The following LRP5 variants were observed in gnomAD, a reference collection of about 807,000 sequenced individuals.
LRP5 encodes low-density lipoprotein receptor-related protein 5.
In LRP5, 62 loss-of-function variants were observed where a neutral mutation model predicts 154.1. That is an observed-to-expected ratio of 0.40 (90% CI 0.33 to 0.50). LRP5 has a LOEUF of 0.50. Ranked by LOEUF, LRP5 falls within the 20% of genes least tolerant of loss-of-function variation. The pLI is 0.55. For synonymous variants in LRP5, 966 were observed against 1,011.5 expected (o/e 0.96, Z 0.85); for missense variants, 1,915 against 2,336.7 (o/e 0.82, Z 3.72).
chr11:68,364,791 G>C (rs910797745), intron 4 of LRP5, among the ~76,000 whole-genome samples: 3 of 152,144 alleles, frequency 2.0e-5, no homozygotes, highest in African/African-American at 7.2e-5. Flanking sequence ...AGGAGGGTGG[G>C]GCTCTCTGGA....
chr11:68,336,267 G>A (rs1565325638), intron 1 of LRP5, among the ~76,000 whole-genome samples: 1 of 152,204 alleles, frequency 6.6e-6, no homozygotes, highest in African/African-American at 2.4e-5. Context: ...TGGGACAGAA[G>A]AGCCAGCTTA....
chr11:68,378,413 C>G (rs1022654308), intron 5 of LRP5, among the ~76,000 whole-genome samples: 1 of 151,970 alleles, frequency 6.6e-6, no homozygotes, highest in Admixed American at 6.6e-5. Context: ...CCCTGGACAC[C>G]GAATGAGCCG....
intron 17 of LRP5, 55 bp downstream of exon 17, chr11:68,429,755 C>T (rs1268556936): frequency 1.2e-6 from 2 of 1,610,730 alleles, no homozygotes; most frequent in Admixed American, 3.3e-5. Flanking sequence ...TGATTCTCTG[C>T]CTGCTAGGCT....
At chr11:68,445,076 TA>T (rs1479879561) in intron 21 of LRP5, among the ~76,000 whole-genome samples, 1 of 152,062 alleles carries the variant, frequency 6.6e-6, no homozygotes. Context: ...CCCATTTTAT[TA>T]CTTTATTTTA....
At position 68,448,976 on chromosome 11, in the gene LRP5, C is replaced by T. The variant is rs377323023; in HGVS notation, c.4754C>T (p.Ser1585Leu). 3.5e-5 allele frequency: 56 copies of T among 1,611,022 alleles called. No homozygotes were observed. Among genetic ancestry groups the T allele is most frequent in the South Asian group, 8.8e-5 (8 of 91,042 alleles). The change falls in exon 23 of 23, where the codon TCG (serine) becomes TTG (leucine). Residue 1585 changes from serine (S) to leucine (L), a missense_variant. By Grantham distance (145) the Ser-to-Leu change is moderately radical. Coordinates refer to ENST00000294304, the MANE Select transcript of LRP5 (RefSeq NM_002335.4). Reference protein sequence around the residue: ...PPPTPHSQYLSAEDSCPPSPA... With the variant: ...PPPTPHSQYLLAEDSCPPSPA... ...CCCACGCCCCACAGCCAGTACCTGT[C>T]GGCGGAGGACAGCTGCCCGCCCTCG...
At chr11:68,377,365 C>T (rs1330318817) in intron 5 of LRP5, among the ~76,000 whole-genome samples, 1 of 152,222 alleles carries the variant, frequency 6.6e-6, no homozygotes, top group Non-Finnish European at 1.5e-5. Flanking sequence ...AAGGTGCCTG[C>T]CAGCTGCTCC....
At chr11:68,368,701 C>T (rs999677651) in intron 5 of LRP5, among the ~76,000 whole-genome samples, 3 of 152,070 alleles carry the variant, frequency 2.0e-5, no homozygotes, top group Admixed American at 6.5e-5. Context: ...GCCCTCCCTG[C>T]GTTTTTCCTG....
chr11:68,379,622 C>T (rs929913468), intron 5 of LRP5, among the ~76,000 whole-genome samples: 3 of 152,160 alleles, frequency 2.0e-5, no homozygotes, highest in East Asian at 1.9e-4. Flanking sequence ...TTATAGTCTT[C>T]GCTAATTTAT....
intron 3 of LRP5, among the ~76,000 whole-genome samples, chr11:68,358,144 C>A (rs1441810078): frequency 6.6e-6 from 1 of 151,760 alleles, no homozygotes; most frequent in East Asian, 1.9e-4. Context: ...GAGACAGAGT[C>A]TCACTCTTTC....
intron 9 of LRP5, among the ~76,000 whole-genome samples, chr11:68,408,402 A>G (rs892878101): frequency 2.6e-5 from 4 of 151,988 alleles, no homozygotes. Flanking sequence ...TTTGTATTAC[A>G]TAGCTTTAAA....
chr11:68,347,633 G>A (rs1374828066), intron 1 of LRP5, among the ~76,000 whole-genome samples: 1 of 152,224 alleles, frequency 6.6e-6, no homozygotes, highest in Non-Finnish European at 1.5e-5. Flanking sequence ...GTGGGAAGAA[G>A]GCTGTTTGCT....
chr11:68,423,598 A>G lies in LRP5; in HGVS notation c.3137A>G (p.Asn1046Ser). Residue 1046 changes from asparagine (N) to serine (S), a missense_variant, in exon 14 of 23, where the codon AAT becomes AGT. This residue lies in a region of LRP5 where 1,094 missense variants were observed against 1,210.1 expected (regional missense o/e 0.90). Transcript: ENST00000294304. The surrounding 1 kb of genome is among the most constrained non-coding windows in gnomAD (Gnocchi z 4.7). ...RTLFWTCEAT[N>S]TINVHRLSGE... is the part of the protein sequence containing the mutation. ...CTGTTCTGGACGTGCGAGGCCACCA[A>G]TACCATCAACGTCCACAGGCTGAGC... The G allele has an allele frequency of 1.2e-6, 2 of 1,614,216 alleles. No homozygotes were observed. The highest frequency in any genetic ancestry group is 1.7e-6 in the Non-Finnish European group (2 of 1,180,012).
intron 1 of LRP5, among the ~76,000 whole-genome samples, chr11:68,339,844 G>C (rs1314810155): frequency 6.6e-6 from 1 of 152,122 alleles, no homozygotes; most frequent in Admixed American, 6.5e-5. Flanking sequence ...CAGTTCTTTT[G>C]GGTATATATG....
intron 1 of LRP5, among the ~76,000 whole-genome samples, chr11:68,344,177 C>T (rs534143668): frequency 2.6e-5 from 4 of 152,260 alleles, no homozygotes; most frequent in South Asian, 2.1e-4. Context: ...GAGTTTTCTT[C>T]GTTATCTGTT....
At chr11:68,415,431 T>G (rs138444824) in intron 12 of LRP5, among the ~76,000 whole-genome samples, 1,526 of 152,350 alleles carry the variant, frequency 0.01, 22 homozygotes, top group African/African-American at 0.035. Context: ...GCCTTCCGTC[T>G]TAAGTGTTCA....
intron 1 of LRP5, among the ~76,000 whole-genome samples, chr11:68,316,963 T>C (rs2098593763): frequency 6.6e-6 from 1 of 152,250 alleles, no homozygotes; most frequent in Admixed American, 6.5e-5. Flanking sequence ...GGGGAGTCTG[T>C]TGGGGAGGCC....
intron 17 of LRP5, among the ~76,000 whole-genome samples, chr11:68,431,231 C>CTTTTTTTTT (rs34840282): frequency 2.2e-5 from 2 of 92,974 alleles, no homozygotes; most frequent in East Asian, 3.6e-4. Context: ...GCTGTGCACC[C>CTTTTTTTTT]TTTTTTTTTT....
intron 1 of LRP5, among the ~76,000 whole-genome samples, chr11:68,329,770 C>T (rs1048333113): frequency 2.0e-5 from 3 of 152,238 alleles, no homozygotes; most frequent in Non-Finnish European, 2.9e-5. Context: ...CAGCGCCCCA[C>T]TGACTGACAC....
chr11:68,403,251 TCAAACAAA>T (rs773083096), intron 7 of LRP5, among the ~76,000 whole-genome samples: 2 of 152,006 alleles, frequency 1.3e-5, no homozygotes, highest in African/African-American at 2.4e-5. Context: ...TCTCAAAATC[TCAAACAAA>T]CAAACAAACA....
Sources: gnomAD v4.1 joint callset for allele counts (sites outside exome capture counted in the v4.1 genomes callset) on GRCh38, gnomAD v4.1.1 for gene constraint, gnomAD v4.1.1 regional missense constraint, Gnocchi (gnomAD v3.1) non-coding constraint, MANE v1.5 for transcripts, NCBI Gene and HGNC (gene_info 2026-07-23, HGNC 2026-07-21) for gene names.